Variants in FHIT observed in about 807,000 individuals in gnomAD.
FHIT encodes fragile histidine triad diadenosine triphosphatase.
Under a neutral mutation model 17.9 loss-of-function variants are expected in FHIT, and 19 were observed. The observed-to-expected ratio is 1.06, with a 90% CI of 0.74 to 1.56. FHIT has a LOEUF of 1.56. Ranked by LOEUF, FHIT falls within the 40% of genes most tolerant of loss-of-function variation. FHIT has a pLI of 0.00. For missense variants in FHIT, 248 were observed against 189.2 expected, an observed-to-expected ratio of 1.31 and a Z score of -1.82; for synonymous variants, 81 against 69.7, an observed-to-expected ratio of 1.16 and a Z score of -0.81.
intron 4 of FHIT, among the ~76,000 whole-genome samples, chr3:60,692,375 T>G (rs958346899): frequency 3.9e-5 from 6 of 152,166 alleles, no homozygotes; most frequent in African/African-American, 1.4e-4. Flanking sequence ...AGGTAGCAGA[T>G]AGAATTAAGT....
At chr3:60,624,450 G>A (rs2039225078) in intron 4 of FHIT, among the ~76,000 whole-genome samples, 1 of 152,148 alleles carries the variant, frequency 6.6e-6, no homozygotes, top group Non-Finnish European at 1.5e-5. Flanking sequence ...CTGATGGAGA[G>A]TCCCAGCAAA....
intron 8 of FHIT, among the ~76,000 whole-genome samples, chr3:59,857,027 C>T (rs568937221): frequency 3.9e-5 from 6 of 152,314 alleles, no homozygotes; most frequent in East Asian, 3.9e-4. Context: ...GTAACAATCG[C>T]AGTCTCTGAA....
chr3:60,810,563 C>A (rs1187680981), intron 4 of FHIT, among the ~76,000 whole-genome samples: 2 of 152,166 alleles, frequency 1.3e-5, no homozygotes, highest in Non-Finnish European at 2.9e-5. Context: ...AGAAAGGTTT[C>A]TTGGGTCTCT....
At chr3:60,857,365 CACAAGCTAAGGTATCAG>C (rs1703432302) in intron 3 of FHIT, among the ~76,000 whole-genome samples, 1 of 152,136 alleles carries the variant, frequency 6.6e-6, no homozygotes, top group Non-Finnish European at 1.5e-5. Context: ...GAGTTTAGAG[CACAAGCTAAGGTATCAG>C]ACAGCATTTG....
chr3:60,872,945 A>G (rs1169958479), intron 3 of FHIT, among the ~76,000 whole-genome samples: 6 of 152,142 alleles, frequency 3.9e-5, no homozygotes, highest in African/African-American at 1.4e-4. Flanking sequence ...TTCAAAAAAT[A>G]AAGATTATTT....
At position 60,204,542 on chromosome 3, in the gene FHIT, C is replaced by T. The variant is rs148896496; in HGVS notation, c.104-190390G>A. On this transcript the variant is annotated intron_variant, in intron 5 of 9. Coordinates refer to ENST00000492590, the MANE Select transcript of FHIT (RefSeq NM_002012.4). ...CCGGGCTCAAGCAATCTTCCTGCCT[C>T]GGCCTCCCAAAGTGCTGGGATTACA... Among the ~76,000 whole-genome samples, 843 of 151,824 alleles carry T rather than the reference C, an allele frequency of 5.6e-3. 4 individuals are homozygous for T. Among genetic ancestry groups the T allele is most frequent in the African/African-American group, 0.019 (804 of 41,378 alleles).
At chr3:60,542,644 C>G (rs559524835) in intron 4 of FHIT, among the ~76,000 whole-genome samples, 3 of 151,864 alleles carry the variant, frequency 2.0e-5, no homozygotes, top group African/African-American at 7.3e-5. Context: ...TTGTAGAGTC[C>G]CTTGTATATT....
chr3:60,798,259 G>A (rs1471695293), intron 4 of FHIT, among the ~76,000 whole-genome samples: 3 of 151,900 alleles, frequency 2.0e-5, no homozygotes, highest in Non-Finnish European at 4.4e-5. Context: ...ATAACAACAT[G>A]ACAATTTTAC....
chr3:60,367,224 G>A (rs1286431779), intron 5 of FHIT, among the ~76,000 whole-genome samples: 1 of 152,146 alleles, frequency 6.6e-6, no homozygotes, highest in Non-Finnish European at 1.5e-5. Context: ...AATTAAGTCA[G>A]GTAATAATGC....
intron 2 of FHIT, among the ~76,000 whole-genome samples, chr3:61,199,763 A>C (rs80062233): frequency 6.7e-6 from 1 of 148,888 alleles, no homozygotes; most frequent in African/African-American, 2.5e-5. Flanking sequence ...ACAGAAAAAA[A>C]CCCTAAAAGT....
chr3:60,155,074 C>A (rs1700622249), intron 5 of FHIT, among the ~76,000 whole-genome samples: 1 of 151,538 alleles, frequency 6.6e-6, no homozygotes, highest in Non-Finnish European at 1.5e-5. Flanking sequence ...GTACTCTCAG[C>A]TACTCGGGAG....
chr3:61,222,781 G>A (rs572921681), intron 1 of FHIT, among the ~76,000 whole-genome samples: 2 of 152,302 alleles, frequency 1.3e-5, no homozygotes, highest in African/African-American at 2.4e-5. Context: ...ACAGACTCAA[G>A]GGTGGAAACA....
intron 5 of FHIT, among the ~76,000 whole-genome samples, chr3:60,091,468 G>A (rs965707947): frequency 4.6e-5 from 7 of 152,154 alleles, no homozygotes; most frequent in African/African-American, 1.7e-4. Flanking sequence ...GGAAGAGAGT[G>A]TCATCCATGT....
chr3:60,552,741 C>G (rs1026813116), intron 4 of FHIT, among the ~76,000 whole-genome samples: 1 of 152,210 alleles, frequency 6.6e-6, no homozygotes, highest in African/African-American at 2.4e-5. Context: ...GCCCCCAGCA[C>G]TCTCAATGAC....
chr3:60,921,809 G>C (rs981026957), intron 3 of FHIT, among the ~76,000 whole-genome samples: 2 of 152,164 alleles, frequency 1.3e-5, no homozygotes, highest in African/African-American at 4.8e-5. Context: ...GTCCATCTGG[G>C]GCAGCTTAGG....
chr3:60,723,676 C>T (rs1553708659), intron 4 of FHIT, among the ~76,000 whole-genome samples: 2 of 152,176 alleles, frequency 1.3e-5, no homozygotes, highest in African/African-American at 4.8e-5. Context: ...GCACCTTTTC[C>T]CTATGTTGAT....
chr3:60,827,013 C>T lies in FHIT; in HGVS notation c.-110-5002G>A, dbSNP rs886092677. Among the ~76,000 whole-genome samples the T allele has an allele frequency of 2.0e-5, 3 of 151,176 alleles. No individual in the cohort carries two copies. In the East Asian group the frequency reaches 5.8e-4, roughly 29 times the overall value. On this transcript the variant is annotated intron_variant, in intron 3 of 9. Coordinates refer to ENST00000492590, the MANE Select transcript of FHIT (RefSeq NM_002012.4). ...AGGTTTTCCCCCCACAAAAAGAAAACTTTGCTTAAAAAAAAAAGAGTTTGC... is the reference window on the plus strand; with the variant it reads ...AGGTTTTCCCCCCACAAAAAGAAAATTTTGCTTAAAAAAAAAAGAGTTTGC...
rs376080690 is a variant in FHIT, at chr3:61,110,783, G to C, written c.-163-68684C>G. Among the ~76,000 whole-genome samples, 8 of 152,118 alleles carry C rather than the reference G, an allele frequency of 5.3e-5. No individual in the cohort carries two copies. The East Asian group carries it at 7.7e-4, about 15-fold the overall frequency. On this transcript the variant is annotated intron_variant, in intron 2 of 9. Coordinates refer to ENST00000492590, the MANE Select transcript of FHIT (RefSeq NM_002012.4). Reference sequence around the variant, plus strand: ...CTTTGAGCTCTGTCTCCTGTAACTGGGTGACAAAGGTCTAAACACATAATG... The same window carrying C: ...CTTTGAGCTCTGTCTCCTGTAACTGCGTGACAAAGGTCTAAACACATAATG...
chr3:61,020,765 C>A (rs531437533), intron 3 of FHIT, among the ~76,000 whole-genome samples: 1 of 151,984 alleles, frequency 6.6e-6, no homozygotes, highest in Non-Finnish European at 1.5e-5. Context: ...TGTGCTGTAT[C>A]GGTGCGCTAT....
Sources: allele counts gnomAD v4.1 joint callset (sites outside exome capture counted in the v4.1 genomes callset), GRCh38; gene constraint gnomAD v4.1.1; transcripts MANE v1.5; gene names NCBI Gene and HGNC (gene_info 2026-07-23, HGNC 2026-07-21).